The following CHP1 variants were observed in gnomAD, a reference collection of about 807,000 sequenced individuals.
CHP1 encodes calcineurin like EF-hand protein 1.
A neutral mutation model predicts 27.4 loss-of-function variants in CHP1; 11 were observed. The observed-to-expected ratio is 0.40, with a 90% confidence interval of 0.25 to 0.67. CHP1 has a LOEUF of 0.67. Among genes scored for constraint, CHP1 ranks in the 30% least tolerant of loss-of-function variants. CHP1 has a pLI of 0.38. For synonymous variants in CHP1, 89 were observed against 87.4 expected, an observed-to-expected ratio of 1.02 and a Z score of -0.10; for missense variants, 169 against 251.3, an observed-to-expected ratio of 0.67 and a Z score of 2.22.
intron 3 of CHP1, among the ~76,000 whole-genome samples, chr15:41,260,052 A>G (rs549382325): frequency 5.3e-5 from 8 of 152,276 alleles, no homozygotes; most frequent in African/African-American, 1.9e-4. Flanking sequence ...TTGAGTACAG[A>G]TGGCTCACAG....
chr15:41,245,353 C>T (rs940631161), intron 2 of CHP1, among the ~76,000 whole-genome samples: 10 of 152,030 alleles, frequency 6.6e-5, no homozygotes, highest in East Asian at 1.9e-4. Flanking sequence ...TGGTGGTGGG[C>T]GCCTGTAATC....
intron 1 of CHP1, among the ~76,000 whole-genome samples, chr15:41,241,498 A>G (rs2047306875): frequency 6.6e-6 from 1 of 152,212 alleles, no homozygotes; most frequent in South Asian, 2.1e-4. Flanking sequence ...TAGCAATGGA[A>G]TCAGAATCTG....
At chr15:41,257,667 C>T (rs1020619514) in intron 3 of CHP1, among the ~76,000 whole-genome samples, 2 of 152,000 alleles carry the variant, frequency 1.3e-5, no homozygotes, top group African/African-American at 4.8e-5. Flanking sequence ...TCAAGCGATT[C>T]TCCTGCCTCA....
At chr15:41,232,205 C>G (rs555482118) in intron 1 of CHP1, among the ~76,000 whole-genome samples, 14 of 145,742 alleles carry the variant, frequency 9.6e-5, no homozygotes, top group East Asian at 2.0e-4. Flanking sequence ...GTACTAGGAA[C>G]TGATTTTTTT....
chr15:41,235,781 A>G (rs967145803), intron 1 of CHP1, among the ~76,000 whole-genome samples: 15 of 152,212 alleles, frequency 9.9e-5, no homozygotes, highest in African/African-American at 3.1e-4. Flanking sequence ...TATCATGGCT[A>G]GAATGTAAGT....
intron 3 of CHP1, among the ~76,000 whole-genome samples, chr15:41,262,313 C>G (rs1430048793): frequency 6.6e-6 from 1 of 151,936 alleles, no homozygotes; most frequent in African/African-American, 2.4e-5. Flanking sequence ...TAAAATATCC[C>G]TTGGTATACA....
At chr15:41,263,774 C>T (rs2047445003) in intron 4 of CHP1, among the ~76,000 whole-genome samples, 2 of 152,094 alleles carry the variant, frequency 1.3e-5, no homozygotes, top group Non-Finnish European at 2.9e-5. Flanking sequence ...ACTTGGGAGG[C>T]TGAGGTGGGA....
intron 5 of CHP1, among the ~76,000 whole-genome samples, chr15:41,272,619 C>T (rs1054251571): frequency 2.7e-4 from 41 of 149,764 alleles, no homozygotes; most frequent in Admixed American, 4.7e-4. Flanking sequence ...TGGGGTTTCG[C>T]CATGTTGACC....
At chr15:41,251,296 T>G (rs1189604279) in intron 2 of CHP1, among the ~76,000 whole-genome samples, 1 of 152,218 alleles carries the variant, frequency 6.6e-6, no homozygotes, top group African/African-American at 2.4e-5. Context: ...ATGCTCCTTT[T>G]GTCTTTACCT....
At chr15:41,239,679 G>A (rs1483880411) in intron 1 of CHP1, among the ~76,000 whole-genome samples, 1 of 152,126 alleles carries the variant, frequency 6.6e-6, no homozygotes, top group East Asian at 1.9e-4. Context: ...TTGCAGGCTT[G>A]AGCCACCAGG....
intron 2 of CHP1, among the ~76,000 whole-genome samples, chr15:41,255,282 T>C (rs2047393242): frequency 1.3e-5 from 2 of 152,312 alleles, no homozygotes; most frequent in South Asian, 4.1e-4. Flanking sequence ...CTCCATGACA[T>C]TGATATTTTT....
chr15:41,243,247 A>G (rs543820555), intron 1 of CHP1, among the ~76,000 whole-genome samples: 45 of 152,274 alleles, frequency 3.0e-4, no homozygotes, highest in Admixed American at 2.7e-3. Flanking sequence ...AGGCTGAGGC[A>G]GGAGAGTTGC....
chr15:41,252,422 C>T (rs1372859163), intron 2 of CHP1, among the ~76,000 whole-genome samples: 1 of 152,138 alleles, frequency 6.6e-6, no homozygotes, highest in East Asian at 1.9e-4. Flanking sequence ...CCACCTCGGC[C>T]TCCCAAAGTG....
intron 1 of CHP1, among the ~76,000 whole-genome samples, chr15:41,233,744 A>G (rs2047263857): frequency 6.6e-6 from 1 of 152,058 alleles, no homozygotes; most frequent in African/African-American, 2.4e-5. Context: ...CAGGCAAGAG[A>G]GAGAGTCCTT....
intron 2 of CHP1, among the ~76,000 whole-genome samples, chr15:41,251,850 C>T (rs1268761993): frequency 6.6e-6 from 1 of 150,882 alleles, no homozygotes; most frequent in Non-Finnish European, 1.5e-5. Context: ...CCTATGTTGC[C>T]CAGGCTGGTC....
chr15:41,261,134 T>TTTTCCTTTCCTTTCCC (rs1337527568), intron 3 of CHP1, among the ~76,000 whole-genome samples: 1 of 150,634 alleles, frequency 6.6e-6, no homozygotes, highest in Non-Finnish European at 1.5e-5. Flanking sequence ...TTTTCCTTCC[T>TTTTCCTTTCCTTTCCC]TTTCCTTTCC....
At chr15:41,278,210 G>A (rs1260259328) in intron 5 of CHP1, among the ~76,000 whole-genome samples, 1 of 151,466 alleles carries the variant, frequency 6.6e-6, no homozygotes, top group East Asian at 1.9e-4. Context: ...GCAGGCGCCT[G>A]TAATCCTAGC....
chr15:41,246,488 T>C (rs961781361), intron 2 of CHP1, among the ~76,000 whole-genome samples: 9 of 151,684 alleles, frequency 5.9e-5, no homozygotes, highest in Non-Finnish European at 1.2e-4. Flanking sequence ...CCCTGCTAAT[T>C]TCTGTATTTT....
intron 6 of CHP1, 60 bp from the exon 7 acceptor site, chr15:41,279,276 G>C (rs369011693): frequency 1.5e-5 from 19 of 1,304,502 alleles, no homozygotes; most frequent in Non-Finnish European, 1.8e-5. Flanking sequence ...ACTCAGATAA[G>C]AGCTTGGGAG....
Sources: gnomAD v4.1 joint callset for allele counts (sites outside exome capture counted in the v4.1 genomes callset) on GRCh38, gnomAD v4.1.1 for gene constraint, MANE v1.5 for transcripts, NCBI Gene and HGNC (gene_info 2026-07-23, HGNC 2026-07-21) for gene names.